The following VWA8 variants were observed in gnomAD, a reference collection of about 807,000 sequenced individuals.
The protein encoded by VWA8 is von Willebrand factor A domain-containing protein 8.
VWA8 carries 221 observed loss-of-function variants against 241.5 expected under a neutral mutation model. That is an observed-to-expected ratio of 0.91 (90% CI 0.82 to 1.02). The LOEUF is 1.02. VWA8 is among the 50% of genes least tolerant of loss of function. The probability of loss-of-function intolerance (pLI) is 0.00; values close to 1 mark genes in which losing one functional copy is unlikely to be tolerated. For synonymous variants in VWA8, 852 were observed against 827.1 expected (o/e 1.03, Z -0.52); for missense variants, 2,322 against 2,328.7 (o/e 1.00, Z 0.06).
At chr13:41,695,130 C>T (rs372153913) in intron 29 of VWA8, among the ~76,000 whole-genome samples, 1 of 151,980 alleles carries the variant, frequency 6.6e-6, no homozygotes, top group Non-Finnish European at 1.5e-5. Context: ...AGGGAGGAGA[C>T]GCGAGTGAGC....
At chr13:41,856,553 G>A (rs1012912665) in intron 12 of VWA8, among the ~76,000 whole-genome samples, 1 of 152,150 alleles carries the variant, frequency 6.6e-6, no homozygotes, top group Non-Finnish European at 1.5e-5. Context: ...AGGCATAGTG[G>A]CTAACGCCTG....
At chr13:41,742,059 T>A (rs2045573113) in intron 21 of VWA8, among the ~76,000 whole-genome samples, 1 of 152,212 alleles carries the variant, frequency 6.6e-6, no homozygotes, top group Non-Finnish European at 1.5e-5. Context: ...CACTTAGTTA[T>A]CCAGCATGTC....
intron 26 of VWA8, among the ~76,000 whole-genome samples, chr13:41,704,463 CTTTTT>C (rs953332904): frequency 1.1e-4 from 1 of 9,184 alleles, no homozygotes; most frequent in African/African-American, 1.3e-4. Flanking sequence ...TAAGTCTTCA[CTTTTT>C]TTTTTTTTTC....
intron 37 of VWA8, among the ~76,000 whole-genome samples, chr13:41,633,350 G>A (rs1245497269): frequency 1.3e-5 from 2 of 152,152 alleles, no homozygotes; most frequent in African/African-American, 4.8e-5. Flanking sequence ...CACAGTCTTG[G>A]TACATCACAG....
chr13:41,782,337 T>C (rs942244976), intron 19 of VWA8, among the ~76,000 whole-genome samples: 2 of 152,220 alleles, frequency 1.3e-5, no homozygotes, highest in Non-Finnish European at 2.9e-5. Context: ...GTTTTTCAAA[T>C]TGTCTTTTGT....
chr13:41,882,696 C>T (rs182408209), intron 9 of VWA8, among the ~76,000 whole-genome samples: 37 of 152,092 alleles, frequency 2.4e-4, no homozygotes, highest in Admixed American at 2.4e-3. Flanking sequence ...CGCAGGCACT[C>T]GGCAGGCTGA....
chr13:41,958,276 G>C (rs1394731413), intron 1 of VWA8, among the ~76,000 whole-genome samples: 1 of 152,118 alleles, frequency 6.6e-6, no homozygotes, highest in Non-Finnish European at 1.5e-5. Context: ...CTCCTTCTCT[G>C]TATGAACTTT....
chr13:41,860,589 C>T (rs1341765466), intron 12 of VWA8, among the ~76,000 whole-genome samples: 1 of 152,140 alleles, frequency 6.6e-6, no homozygotes, highest in Non-Finnish European at 1.5e-5. Flanking sequence ...ATAAACTGAA[C>T]AGGAAACTGA....
intron 17 of VWA8, 91 bp from the exon 18 acceptor site, chr13:41,787,634 A>ACAC (rs1437662501): frequency 3.8e-6 from 3 of 782,558 alleles, no homozygotes; most frequent in East Asian, 2.6e-5. Context: ...ACACACACAC[A>ACAC]CACTCCTTAC....
At chr13:41,588,825 G>A (rs1357029138) in intron 41 of VWA8, among the ~76,000 whole-genome samples, 1 of 152,018 alleles carries the variant, frequency 6.6e-6, no homozygotes, top group Non-Finnish European at 1.5e-5. Flanking sequence ...GTAATTTCAA[G>A]AAAACACGGT....
At chr13:41,630,728 G>A (rs981411603) in intron 37 of VWA8, among the ~76,000 whole-genome samples, 1 of 151,854 alleles carries the variant, frequency 6.6e-6, no homozygotes, top group Non-Finnish European at 1.5e-5. Context: ...TTACAGACTT[G>A]GGATAAAAGG....
intron 37 of VWA8, among the ~76,000 whole-genome samples, chr13:41,650,416 G>T (rs961031450): frequency 6.6e-6 from 1 of 152,154 alleles, no homozygotes; most frequent in Admixed American, 6.5e-5. Context: ...AAACTAACAA[G>T]CGTAGAAACA....
intron 24 of VWA8, among the ~76,000 whole-genome samples, chr13:41,723,061 T>C (rs1308210511): frequency 1.3e-5 from 2 of 152,146 alleles, no homozygotes; most frequent in South Asian, 2.1e-4. Context: ...TGTAGGAAGA[T>C]AAATATCTTG....
At chr13:41,881,395 G>T (rs1874181589) in intron 9 of VWA8, among the ~76,000 whole-genome samples, 1 of 100,070 alleles carries the variant, frequency 1.0e-5, no homozygotes, top group Non-Finnish European at 2.0e-5. Context: ...GGGGGGGTAA[G>T]GTCACAGATC....
chr13:41,572,804 A>G (rs2044317075), intron 43 of VWA8, among the ~76,000 whole-genome samples: 1 of 149,384 alleles, frequency 6.7e-6, no homozygotes, highest in Non-Finnish European at 1.5e-5. Context: ...TACTAAAAAA[A>G]AAAAAAAAAA....
chr13:41,775,147 G>A (rs898112115), intron 20 of VWA8, among the ~76,000 whole-genome samples: 13 of 152,154 alleles, frequency 8.5e-5, no homozygotes, highest in African/African-American at 3.1e-4. Flanking sequence ...TTAGATCATG[G>A]AGGACATCAA....
At chr13:41,806,020 AATG>A (rs1452954756) in intron 17 of VWA8, among the ~76,000 whole-genome samples, 1 of 147,280 alleles carries the variant, frequency 6.8e-6, no homozygotes, top group East Asian at 2.0e-4. Flanking sequence ...AAAAAAAAGA[AATG>A]ATGTCAAGTA....
chr13:41,784,743 T>TATATATATATATACACACACAC (rs1555335151), intron 18 of VWA8, among the ~76,000 whole-genome samples: 1 of 94,980 alleles, frequency 1.1e-5, no homozygotes, highest in African/African-American at 3.6e-5. Flanking sequence ...CACACATATA[T>TATATATATATATACACACACAC]ATATATATAT....
intron 27 of VWA8, among the ~76,000 whole-genome samples, chr13:41,702,824 G>T (rs1308486955): frequency 6.6e-6 from 1 of 152,146 alleles, no homozygotes; most frequent in Non-Finnish European, 1.5e-5. Flanking sequence ...GTCCAGTGTT[G>T]CCCCTCAACT....
Sources: allele counts gnomAD v4.1 joint callset (sites outside exome capture counted in the v4.1 genomes callset), GRCh38; gene constraint gnomAD v4.1.1; transcripts MANE v1.5; gene names NCBI Gene and HGNC (gene_info 2026-07-23, HGNC 2026-07-21).